Variants in CNTN5 observed in about 807,000 individuals in gnomAD.
The protein encoded by CNTN5 is contactin-5.
CNTN5 carries 77 observed loss-of-function variants against 129.1 expected under a neutral mutation model. The observed-to-expected ratio is 0.60, with a 90% CI of 0.50 to 0.72. The LOEUF is 0.72. Ranked by LOEUF, CNTN5 falls within the 30% of genes least tolerant of loss-of-function variation. The pLI, the probability that CNTN5 is intolerant of heterozygous loss-of-function variation, is 0.00. For missense variants in CNTN5, 1,478 were observed against 1,328.8 expected (o/e 1.11, Z -1.75); for synonymous variants, 509 against 465.6 (o/e 1.09, Z -1.20).
intron 2 of CNTN5, among the ~76,000 whole-genome samples, chr11:99,355,822 T>TTTTTTTTTTTTTTG (rs1565516117): frequency 7.5e-6 from 1 of 133,090 alleles, no homozygotes; most frequent in Non-Finnish European, 1.6e-5. Flanking sequence ...TTTTTTTTTG[T>TTTTTTTTTTTTTTG]TTTTTTTTTT....
intron 8 of CNTN5, among the ~76,000 whole-genome samples, chr11:99,966,693 A>T (rs1951103463): frequency 6.6e-6 from 1 of 152,242 alleles, no homozygotes; most frequent in Non-Finnish European, 1.5e-5. Flanking sequence ...CACAAGAAGT[A>T]TCTGAAACAT....
At chr11:100,033,617 T>C (rs544882654) in intron 9 of CNTN5, among the ~76,000 whole-genome samples, 1 of 152,340 alleles carries the variant, frequency 6.6e-6, no homozygotes, top group Non-Finnish European at 1.5e-5. Flanking sequence ...AATGCTCTTT[T>C]ATTACATTCA....
chr11:99,504,238 T>C (rs1358578736), intron 2 of CNTN5, among the ~76,000 whole-genome samples: 1 of 152,166 alleles, frequency 6.6e-6, no homozygotes, highest in Non-Finnish European at 1.5e-5. Context: ...TTTACTCTTA[T>C]ATGATCCAAA....
chr11:100,336,774 G>A (rs1952045954), intron 21 of CNTN5: 1 of 308,446 alleles, frequency 3.2e-6, no homozygotes, highest in Non-Finnish European at 6.1e-6. Flanking sequence ...AGAGCGGTAC[G>A]GCAGCCTCCG....
chr11:99,422,529 TATATATATATATA>T (rs1942944348), intron 2 of CNTN5, among the ~76,000 whole-genome samples: 1 of 48,196 alleles, frequency 2.1e-5, no homozygotes, highest in African/African-American at 5.7e-5. Context: ...TATATATATA[TATATATATATATA>T]TATATATATA....
chr11:99,392,628 T>A (rs1436651400), intron 2 of CNTN5, among the ~76,000 whole-genome samples: 1 of 151,866 alleles, frequency 6.6e-6, no homozygotes, highest in Non-Finnish European at 1.5e-5. Flanking sequence ...ACTGGTGACA[T>A]TTCAAATGAT....
chr11:99,411,416 A>T (rs1197949773), intron 2 of CNTN5, among the ~76,000 whole-genome samples: 1 of 152,174 alleles, frequency 6.6e-6, no homozygotes, highest in African/African-American at 2.4e-5. Context: ...GCTATTTGGG[A>T]GACTGAGGAA....
intron 1 of CNTN5, among the ~76,000 whole-genome samples, chr11:99,204,083 C>T (rs10892896): frequency 0.35 from 53,670 of 152,078 alleles, 9,573 homozygotes; most frequent in Middle Eastern, 0.4. Context: ...TTTATCACAA[C>T]GCTCTATCTC....
At chr11:99,452,206 A>G (rs1944328043) in intron 2 of CNTN5, among the ~76,000 whole-genome samples, 1 of 152,042 alleles carries the variant, frequency 6.6e-6, no homozygotes, top group Non-Finnish European at 1.5e-5. Context: ...ACTGTAAAAT[A>G]CTGTATACAA....
intron 2 of CNTN5, among the ~76,000 whole-genome samples, chr11:99,408,369 A>G (rs1348278301): frequency 2.4e-5 from 3 of 125,580 alleles, no homozygotes; most frequent in African/African-American, 3.5e-5. Flanking sequence ...CAGGCTACCA[A>G]AAAAAAAAAA....
At position 99,684,212 on chromosome 11, in the gene CNTN5, T is replaced by C. The variant is rs114522369; in HGVS notation, c.55+127943T>C. Among the ~76,000 whole-genome samples the C allele has an allele frequency of 3.6e-3, 548 of 151,958 alleles. 4 individuals carry two copies. Among genetic ancestry groups the C allele is most frequent in the African/African-American group, 0.012 (515 of 41,494 alleles). The stretch of plus-strand genomic sequence containing the variant: ...TTCACCTACTATGCCTGTGAGTCAA[T>C]AATGCTTTATAGTTTTCTATCGAAA... On this transcript the variant is annotated intron_variant, in intron 3 of 24. Transcript: ENST00000524871.
chr11:99,338,936 A>G (rs958085443), intron 2 of CNTN5, among the ~76,000 whole-genome samples: 4 of 143,386 alleles, frequency 2.8e-5, no homozygotes, highest in Non-Finnish European at 6.1e-5. Context: ...ATATATATAT[A>G]TATATATATA....
At chr11:99,485,664 T>C (rs1312273928) in intron 2 of CNTN5, among the ~76,000 whole-genome samples, 1 of 152,060 alleles carries the variant, frequency 6.6e-6, no homozygotes, top group Non-Finnish European at 1.5e-5. Context: ...TGAGATTTTC[T>C]CTGTTTAATC....
At chr11:99,060,159 G>A (rs2135207753) in intron 1 of CNTN5, among the ~76,000 whole-genome samples, 1 of 151,960 alleles carries the variant, frequency 6.6e-6, no homozygotes, top group African/African-American at 2.4e-5. Context: ...GGTATGTATG[G>A]GCCTGTAAAT....
chr11:100,105,857 G>A (rs1481969443), intron 13 of CNTN5, among the ~76,000 whole-genome samples: 1 of 152,166 alleles, frequency 6.6e-6, no homozygotes, highest in Non-Finnish European at 1.5e-5. Context: ...TTAAAAGCAA[G>A]TCTTTCACAC....
At chr11:99,902,242 GTTT>G (rs35494270) in intron 6 of CNTN5, among the ~76,000 whole-genome samples, 19 of 143,768 alleles carry the variant, frequency 1.3e-4, no homozygotes, top group African/African-American at 2.3e-4. Context: ...AAGCTAAGGA[GTTT>G]TTTTTTTTTT....
intron 1 of CNTN5, among the ~76,000 whole-genome samples, chr11:99,214,474 T>C (rs144046838): frequency 4.1e-3 from 620 of 150,956 alleles, no homozygotes; most frequent in African/African-American, 0.014. Flanking sequence ...CCAGAAAATG[T>C]AACCCTATTA....
At chr11:99,051,687 G>A (rs568076988) in intron 1 of CNTN5, among the ~76,000 whole-genome samples, 1 of 151,942 alleles carries the variant, frequency 6.6e-6, no homozygotes, top group African/African-American at 2.4e-5. Context: ...ATCTAATGAA[G>A]GAGAGAAGGA....
chr11:99,260,958 A>G (rs951784822), intron 1 of CNTN5, among the ~76,000 whole-genome samples: 6 of 151,952 alleles, frequency 3.9e-5, no homozygotes, highest in African/African-American at 1.4e-4. Context: ...ATGGTATTGC[A>G]TAGCTACTTG....
Sources: allele counts gnomAD v4.1 joint callset (sites outside exome capture counted in the v4.1 genomes callset), GRCh38; gene constraint gnomAD v4.1.1; transcripts MANE v1.5; gene names NCBI Gene and HGNC (gene_info 2026-07-23, HGNC 2026-07-21).